Variants in PKD1L1 observed in about 807,000 individuals in gnomAD.
PKD1L1 encodes polycystin 1 like 1, transient receptor potential channel interacting.
In PKD1L1, 236 loss-of-function variants were observed where a neutral mutation model predicts 323.4. The observed-to-expected ratio is 0.73, with a 90% confidence interval of 0.66 to 0.81. PKD1L1 has a LOEUF of 0.81. PKD1L1 is among the 40% of genes least tolerant of loss of function. The pLI is 0.00. For synonymous variants in PKD1L1, 1,344 were observed against 1,335.0 expected (o/e 1.01, Z -0.15); for missense variants, 3,320 against 3,508.0 (o/e 0.95, Z 1.35).
At position 47,791,462 on chromosome 7, in the gene PKD1L1, ATT is replaced by A. The variant is rs10590668; in HGVS notation, c.8526+1163_8526+1164del. On this transcript the variant is annotated intron_variant, in intron 56 of 56. Coordinates refer to ENST00000289672, the MANE Select transcript of PKD1L1 (RefSeq NM_138295.5). Reference sequence around the variant, plus strand: ...CTTCAAACTGTCATTTCAAAGAGACATTTTTTTTTTTTTTTCATTAACTTAAC... The same window carrying A: ...CTTCAAACTGTCATTTCAAAGAGACATTTTTTTTTTTTTCATTAACTTAAC... 1.7e-3 allele frequency among the ~76,000 whole-genome samples: 244 copies of A among 145,560 alleles called. 2 individuals carry two copies. Among genetic ancestry groups the A allele is most frequent in the East Asian group, 6.2e-3 (31 of 4,994 alleles).
intron 34 of PKD1L1, among the ~76,000 whole-genome samples, chr7:47,842,327 A>C (rs935005107): frequency 1.3e-5 from 2 of 151,448 alleles, no homozygotes; most frequent in East Asian, 3.9e-4. Context: ...CTCCCATCTA[A>C]CTCTTTCTCA....
At chr7:47,880,419 T>C (rs112614870) in intron 21 of PKD1L1, among the ~76,000 whole-genome samples, 49,538 of 143,484 alleles carry the variant, frequency 0.35, 10,018 homozygotes, top group African/African-American at 0.54. Context: ...ATAGCTGGGA[T>C]TACAGGCACC....
intron 26 of PKD1L1, among the ~76,000 whole-genome samples, chr7:47,859,918 A>T (rs1189724852): frequency 6.6e-6 from 1 of 152,076 alleles, no homozygotes; most frequent in East Asian, 1.9e-4. Context: ...GTGAGCCACC[A>T]CACCCAGCCT....
At chr7:47,879,242 A>G (rs1786476040) in intron 21 of PKD1L1, among the ~76,000 whole-genome samples, 1 of 152,186 alleles carries the variant, frequency 6.6e-6, no homozygotes, top group Non-Finnish European at 1.5e-5. Context: ...CACTTGTATG[A>G]CAATAGAGTT....
intron 56 of PKD1L1, among the ~76,000 whole-genome samples, chr7:47,787,757 G>A (rs550716777): frequency 3.9e-5 from 6 of 152,158 alleles, no homozygotes; most frequent in Non-Finnish European, 8.8e-5. Flanking sequence ...TGTTTCCCAG[G>A]CTGGAGTGCA....
chr7:47,780,370 G>A (rs975504510), intron 56 of PKD1L1, among the ~76,000 whole-genome samples: 6 of 152,132 alleles, frequency 3.9e-5, no homozygotes, highest in African/African-American at 1.2e-4. Context: ...TGTGGCTCAT[G>A]CCTGTAATCC....
intron 26 of PKD1L1, among the ~76,000 whole-genome samples, chr7:47,862,402 TAGG>T (rs1258676188): frequency 2.0e-5 from 3 of 152,062 alleles, no homozygotes; most frequent in African/African-American, 7.2e-5. Flanking sequence ...GGAGGGATGG[TAGG>T]AGGACAGGGC....
At chr7:47,932,530 C>T (rs1048860723) in intron 4 of PKD1L1, among the ~76,000 whole-genome samples, 24 of 152,212 alleles carry the variant, frequency 1.6e-4, no homozygotes, top group Admixed American at 1.2e-3. Flanking sequence ...ACTCAAGGAC[C>T]GTGCCTCTGG....
intron 45 of PKD1L1, among the ~76,000 whole-genome samples, chr7:47,823,101 T>C (rs373280164): frequency 1.8e-4 from 28 of 152,204 alleles, no homozygotes; most frequent in African/African-American, 6.8e-4. Flanking sequence ...CAATGTGATG[T>C]TCAATAGGTG....
chr7:47,918,521 A>C (rs1427586694), intron 7 of PKD1L1, among the ~76,000 whole-genome samples: 3 of 152,180 alleles, frequency 2.0e-5, no homozygotes, highest in Admixed American at 2.0e-4. Flanking sequence ...AAATGGACTT[A>C]ACAGATATGT....
chr7:47,910,182 A>G (rs1457485774), intron 8 of PKD1L1, among the ~76,000 whole-genome samples: 1 of 152,232 alleles, frequency 6.6e-6, no homozygotes, highest in Non-Finnish European at 1.5e-5. Context: ...CTTAACTAAG[A>G]GTGTGCTACG....
intron 21 of PKD1L1, among the ~76,000 whole-genome samples, chr7:47,880,284 AT>A (rs35198089): frequency 7.0e-4 from 40 of 56,778 alleles, no homozygotes; most frequent in South Asian, 2.2e-3. Context: ...ATATATATAT[AT>A]TTTTTTTTTT....
chr7:47,832,012 G>A (rs769253335), intron 41 of PKD1L1, among the ~76,000 whole-genome samples: 6 of 152,186 alleles, frequency 3.9e-5, no homozygotes, highest in Non-Finnish European at 7.4e-5. Context: ...CATACCTCTG[G>A]GTGCAGCCGT....
intron 55 of PKD1L1, among the ~76,000 whole-genome samples, chr7:47,794,835 G>T (rs976993088): frequency 5.9e-5 from 9 of 152,210 alleles, no homozygotes; most frequent in Non-Finnish European, 1.0e-4. Flanking sequence ...GGAATCAAAG[G>T]AGATCATTTT....
intron 42 of PKD1L1, among the ~76,000 whole-genome samples, chr7:47,830,529 C>T (rs1785325853): frequency 6.6e-6 from 1 of 152,190 alleles, no homozygotes; most frequent in Non-Finnish European, 1.5e-5. Flanking sequence ...TTCAGCTGCT[C>T]CTCCCCAAGC....
chr7:47,863,488 G>A (rs1157227083), intron 26 of PKD1L1, among the ~76,000 whole-genome samples: 3 of 152,210 alleles, frequency 2.0e-5, no homozygotes, highest in East Asian at 3.9e-4. Flanking sequence ...TACTGACCAC[G>A]TAACTGTAGA....
chr7:47,813,992 C>T lies in PKD1L1; in HGVS notation c.7112G>A (p.Cys2371Tyr). 1 of 1,614,014 alleles carries T rather than the reference C, an allele frequency of 6.2e-7. No homozygotes were observed. Among genetic ancestry groups the T allele is most frequent in the South Asian group, 1.1e-5 (1 of 91,076 alleles). Residue 2371 changes from cysteine (C) to tyrosine (Y), a missense_variant, in exon 48 of 57, where the codon TGC becomes TAC. Cys to Tyr is a radical substitution (Grantham distance 194, BLOSUM62 -2). Coordinates refer to ENST00000289672, the MANE Select transcript of PKD1L1 (RefSeq NM_138295.5). ...AATTACGGAACTGCCTATTAGGTAGCATTTTCCTCCAAGAGCTCCAGGCTG... is the reference window on the plus strand; with the variant it reads ...AATTACGGAACTGCCTATTAGGTAGTATTTTCCTCCAAGAGCTCCAGGCTG... ...GAQPGALGGKCYLIGSSVIRQ... is the reference protein window; with the variant it reads ...GAQPGALGGKYYLIGSSVIRQ...
At chr7:47,823,445 G>A (rs1397395515) in intron 45 of PKD1L1, among the ~76,000 whole-genome samples, 1 of 151,788 alleles carries the variant, frequency 6.6e-6, no homozygotes, top group African/African-American at 2.4e-5. Flanking sequence ...TTGCTTCTTT[G>A]CGATTTATTT....
intron 3 of PKD1L1, among the ~76,000 whole-genome samples, chr7:47,937,259 T>TGGGGGGGGGGGGGGGGGGGGGGGGGGG (rs10610147): frequency 6.8e-5 from 5 of 73,088 alleles, no homozygotes; most frequent in South Asian, 6.2e-4. Context: ...GGGGTGGGGG[T>TGGGGGGGGGGGGGGGGGGGGGGGGGGG]GGGGGGGGGG....
Sources: gnomAD v4.1 joint callset for allele counts (sites outside exome capture counted in the v4.1 genomes callset) on GRCh38, gnomAD v4.1.1 for gene constraint, MANE v1.5 for transcripts, NCBI Gene and HGNC (gene_info 2026-07-23, HGNC 2026-07-21) for gene names.